Variants in KLF13 observed in about 807,000 individuals in gnomAD.
The protein encoded by KLF13 is KLF transcription factor 13.
Under a neutral mutation model 16.7 loss-of-function variants are expected in KLF13, and 8 were observed. The observed-to-expected ratio is 0.48, with a 90% CI of 0.28 to 0.87. The LOEUF is 0.87. Ranked by LOEUF, KLF13 falls within the 40% of genes least tolerant of loss-of-function variation. KLF13 has a pLI of 0.10. For synonymous variants in KLF13, 245 were observed against 208.4 expected (o/e 1.18, Z -1.51); for missense variants, 447 against 452.2 (o/e 0.99, Z 0.10).
chr15:31,395,321 T>C (rs182240122), intron 2 of KLF13, among the ~76,000 whole-genome samples: 1 of 152,270 alleles, frequency 6.6e-6, no homozygotes, highest in East Asian at 1.9e-4. Flanking sequence ...GTCGTATGGA[T>C]ATACTATTTT....
Position 31,371,880 on chromosome 15 carries a change from G to A in KLF13, c.578-130G>A, listed in dbSNP as rs994452617. The A allele has an allele frequency of 3.5e-5, 36 of 1,041,126 alleles. No homozygotes were observed. The Admixed American group carries it at 1.0e-3, about 29-fold the overall frequency. 64.5% of individuals were successfully genotyped at this position (1,041,126 alleles called of 1,614,324 possible). ...CTGCCTTGATGGATTTGTCACAGAA[G>A]CTCTTGGAGGTGGGGCATGTGGGAG... On this transcript the variant is annotated intron_variant, in intron 1 of 1. Transcript: ENST00000307145.
At chr15:31,380,085 G>A (rs116706472), downstream of KLF13, among the ~76,000 whole-genome samples, 1,915 of 152,246 alleles carry the variant, frequency 0.013, 42 homozygotes, top group African/African-American at 0.044. Context: ...ATCACCTAAG[G>A]TCAGGATTTC....
At chr15:31,385,330 G>C (rs944669052) in intron 1 of KLF13, among the ~76,000 whole-genome samples, 1 of 152,244 alleles carries the variant, frequency 6.6e-6, no homozygotes, top group Non-Finnish European at 1.5e-5. Flanking sequence ...CAAGGTGACT[G>C]AGAGGGGCCC....
At chr15:31,398,292 G>A (rs1436381826) in intron 2 of KLF13, among the ~76,000 whole-genome samples, 2 of 152,160 alleles carry the variant, frequency 1.3e-5, no homozygotes, top group East Asian at 3.9e-4. Context: ...AGGTGTTAGG[G>A]GACAGGGCTG....
Position 31,327,249 on chromosome 15 carries a change from G to A in KLF13, c.37G>A (p.Glu13Lys). The A allele has an allele frequency of 7.2e-7, 1 of 1,379,498 alleles. No homozygotes were observed. The highest frequency in any genetic ancestry group is 9.4e-7 in the Non-Finnish European group (1 of 1,064,500). The allele number at this position is 1,379,498 out of a possible 1,614,324, so 85.5% of individuals were successfully genotyped here. ...CGCCTATGTGGACCACTTCGCCGCC[G>A]AGTGCCTCGTGTCCATGTCGAGCCG... is the stretch of plus-strand genomic sequence containing the variant. ...AAAYVDHFAA[E>K]CLVSMSSRAV... is the part of the protein sequence containing the mutation. Residue 13 changes from glutamate to lysine, a missense_variant, in exon 1 of 2, where the codon GAG becomes AAG. By Grantham distance (56) the Glu-to-Lys change is moderately conservative. Transcript: ENST00000307145.
At position 31,327,450 on chromosome 15, in the gene KLF13, CCGGCGGAGCGCAGGGAGGGCGCCG is replaced by C; in HGVS notation, c.243_266del (p.Glu82_Ala89del). On this transcript the variant is annotated inframe_deletion, in exon 1 of 2. Transcript: ENST00000307145. ...CAACCAGCAAGCGCCGGCGCCCGCC[CCGGCGGAGCGCAGGGAGGGCGCCG>C]CGGCCCGGAAGGCGAGGACCCCCTG... 1.6e-6 allele frequency: 2 copies of C among 1,240,840 alleles called. No individual in the cohort carries two copies. Among genetic ancestry groups the C allele is most frequent in the Non-Finnish European group, 1.0e-6 (1 of 991,692 alleles). 76.9% of individuals were successfully genotyped at this position (1,240,840 alleles called of 1,614,324 possible).
intron 1 of KLF13, among the ~76,000 whole-genome samples, chr15:31,347,040 T>G (rs2039133986): frequency 6.6e-6 from 1 of 152,044 alleles, no homozygotes; most frequent in Non-Finnish European, 1.5e-5. Flanking sequence ...TGGGACAAGG[T>G]CAGGTCTGTG....
chr15:31,392,912 C>T (rs1347066464), exon 1 of KLF13: 2 of 152,052 alleles, frequency 1.3e-5, no homozygotes, highest in Non-Finnish European at 2.9e-5. Flanking sequence ...CTGTCCGGCT[C>T]CAGCCAGGTC....
At chr15:31,412,403 T>A (rs1418405531) in intron 1 of KLF13, among the ~76,000 whole-genome samples, 1 of 151,792 alleles carries the variant, frequency 6.6e-6, no homozygotes, top group Non-Finnish European at 1.5e-5. Context: ...TCGTAGTTTG[T>A]AAAGGAATAA....
At chr15:31,402,242 C>A (rs985595009) in intron 2 of KLF13, among the ~76,000 whole-genome samples, 1 of 152,178 alleles carries the variant, frequency 6.6e-6, no homozygotes, top group African/African-American at 2.4e-5. Context: ...ATGGAGAGCC[C>A]TCTGGGAGAA....
intron 1 of KLF13, among the ~76,000 whole-genome samples, chr15:31,429,974 C>T (rs1036188479): frequency 2.0e-5 from 3 of 151,996 alleles, no homozygotes; most frequent in African/African-American, 7.3e-5. Context: ...GACCTTGTGA[C>T]CGCCCGCCTT....
chr15:31,418,707 C>A (rs1468815891), intron 1 of KLF13, among the ~76,000 whole-genome samples: 1 of 148,194 alleles, frequency 6.7e-6, no homozygotes, highest in Non-Finnish European at 1.5e-5. Context: ...AAAATTTTTT[C>A]TACAAAAATT....
chr15:31,435,311 C>G (rs994183438), intron 1 of KLF13: 1 of 152,138 alleles, frequency 6.6e-6, no homozygotes, highest in East Asian at 1.9e-4. Context: ...GCTTAGGACC[C>G]TTCGCAGGTG....
chr15:31,370,915 C>T (rs1039480309), intron 1 of KLF13, among the ~76,000 whole-genome samples: 3 of 152,136 alleles, frequency 2.0e-5, no homozygotes, highest in Non-Finnish European at 4.4e-5. Context: ...TTCTCCCTGG[C>T]TGTCTGGCCA....
At chr15:31,401,096 C>T (rs907843730) in intron 2 of KLF13, among the ~76,000 whole-genome samples, 9 of 152,068 alleles carry the variant, frequency 5.9e-5, no homozygotes, top group African/African-American at 1.9e-4. Flanking sequence ...CTCTGCCTCC[C>T]GGGAGCAAGC....
chr15:31,342,378 G>A (rs1003400677), intron 1 of KLF13, among the ~76,000 whole-genome samples: 5 of 152,212 alleles, frequency 3.3e-5, no homozygotes, highest in Admixed American at 3.3e-4. Flanking sequence ...GGGACGCAGT[G>A]CCCTGCTGGG....
At chr15:31,382,732 C>T, downstream of KLF13, among the ~76,000 whole-genome samples, 1 of 152,342 alleles carries the variant, frequency 6.6e-6, no homozygotes, top group African/African-American at 2.4e-5. Context: ...CCCTTCAGGG[C>T]CCACCAAGCA....
At chr15:31,413,196 AAAAAAAC>A (rs1444851865) in intron 1 of KLF13, among the ~76,000 whole-genome samples, 18 of 146,840 alleles carry the variant, frequency 1.2e-4, no homozygotes, top group Admixed American at 3.4e-4. Context: ...ACAAAAAAAA[AAAAAAAC>A]AAAAAACAAA....
upstream of KLF13, among the ~76,000 whole-genome samples, chr15:31,388,762 TCCC>T (rs2039824756): frequency 1.3e-4 from 2 of 15,568 alleles, no homozygotes; most frequent in African/African-American, 4.3e-4. Context: ...GGTTAAAAAA[TCCC>T]AAAAAAAAAA....
Sources: gnomAD v4.1 joint callset for allele counts (sites outside exome capture counted in the v4.1 genomes callset) on GRCh38, gnomAD v4.1.1 for gene constraint, MANE v1.5 for transcripts, NCBI Gene and HGNC (gene_info 2026-07-23, HGNC 2026-07-21) for gene names.